The following BBOF1 variants were observed in gnomAD, a reference collection of about 807,000 sequenced individuals.
BBOF1 encodes the protein basal body-orientation factor 1.
In BBOF1, 62 loss-of-function variants were observed where a neutral mutation model predicts 68.0. The observed-to-expected ratio is 0.91, with a 90% confidence interval of 0.74 to 1.13. BBOF1 has a LOEUF of 1.13. Among genes scored for constraint, BBOF1 ranks in the 50% most tolerant of loss-of-function variants. The pLI, the probability that BBOF1 is intolerant of heterozygous loss-of-function variation, is 0.00. For synonymous variants in BBOF1, 208 were observed against 198.8 expected, an observed-to-expected ratio of 1.05 and a Z score of -0.39; for missense variants, 534 against 600.1, an observed-to-expected ratio of 0.89 and a Z score of 1.15.
chr14:74,031,408 T>C (rs1046262937), intron 3 of BBOF1, among the ~76,000 whole-genome samples: 11 of 152,178 alleles, frequency 7.2e-5, no homozygotes, highest in African/African-American at 2.7e-4. Context: ...CCACCACGCC[T>C]GGCATCATTC....
chr14:74,021,930 A>T (rs895316647), intron 1 of BBOF1, among the ~76,000 whole-genome samples: 1 of 151,766 alleles, frequency 6.6e-6, no homozygotes, highest in Non-Finnish European at 1.5e-5. Flanking sequence ...AAAAAAACAC[A>T]CTCAAAAGTG....
At chr14:74,055,999 C>G (rs999396983) in intron 9 of BBOF1, among the ~76,000 whole-genome samples, 11 of 151,180 alleles carry the variant, frequency 7.3e-5, no homozygotes, top group African/African-American at 2.7e-4. Context: ...AGAAACATAA[C>G]AATATTAAGA....
chr14:74,056,447 G>T (rs112076532), intron 9 of BBOF1, among the ~76,000 whole-genome samples: 8 of 151,660 alleles, frequency 5.3e-5, no homozygotes, highest in African/African-American at 1.9e-4. Context: ...TGACCTGCCC[G>T]CCTCAGCCTC....
intron 11 of BBOF1, among the ~76,000 whole-genome samples, chr14:74,062,024 A>G (rs7140208): frequency 0.018 from 2,652 of 144,410 alleles, 55 homozygotes; most frequent in African/African-American, 0.051. Flanking sequence ...AGCCTGGCCC[A>G]ACATGGCGAA....
At chr14:74,048,773 G>A (rs1566810848) in intron 7 of BBOF1, among the ~76,000 whole-genome samples, 1 of 152,148 alleles carries the variant, frequency 6.6e-6, no homozygotes, top group Non-Finnish European at 1.5e-5. Context: ...TGAAGTTGGG[G>A]TTTTATTACT....
At chr14:74,043,714 G>A (rs2059885483) in intron 5 of BBOF1, among the ~76,000 whole-genome samples, 3 of 149,822 alleles carry the variant, frequency 2.0e-5, no homozygotes, top group Non-Finnish European at 3.0e-5. Flanking sequence ...TGTATTTTTA[G>A]TAGAGACAGG....
chr14:74,045,938 G>T, intron 5 of BBOF1, 122 bp from the exon 6 acceptor site: 1 of 748,704 alleles, frequency 1.3e-6, no homozygotes, highest in Non-Finnish European at 2.1e-6. Flanking sequence ...ACCAGTGCTT[G>T]GAGTTCTTTC....
At chr14:74,027,082 C>CTTTTTTT (rs1189972161) in intron 2 of BBOF1, among the ~76,000 whole-genome samples, 5 of 88,158 alleles carry the variant, frequency 5.7e-5, no homozygotes, top group Non-Finnish European at 8.4e-5. Context: ...GAAAGGAAGC[C>CTTTTTTT]TTTTTTTTTT....
chr14:74,019,509 G>T lies in BBOF1; in HGVS notation c.31G>T (p.Gly11Cys). The change falls in exon 1 of 12, where the codon GGC (glycine) becomes TGC (cysteine). Residue 11 changes from glycine to cysteine, a missense_variant. By Grantham distance (159) the Gly-to-Cys change is radical. Transcript: ENST00000394009. Reference protein sequence around the residue: MPSKGKDKKKGKSKGKDTKKL... With the variant: MPSKGKDKKKCKSKGKDTKKL... ...GTCGAAGGGAAAGGACAAAAAGAAA[G>T]GCAAGAGCAAAGGCAAAGACACGAA... The T allele has an allele frequency of 6.2e-7, 1 of 1,605,208 alleles. No homozygotes were observed. The highest frequency in any genetic ancestry group is 8.5e-7 in the Non-Finnish European group (1 of 1,175,716).
At chr14:74,055,748 C>A in intron 9 of BBOF1, 63 bp downstream of exon 9, 1 of 1,276,584 alleles carries the variant, frequency 7.8e-7, no homozygotes, top group Non-Finnish European at 1.1e-6. Flanking sequence ...CACTTAGGAA[C>A]AAAGAACTTA....
intron 1 of BBOF1, among the ~76,000 whole-genome samples, chr14:74,019,737 T>C (rs2059213361): frequency 6.6e-6 from 1 of 152,240 alleles, no homozygotes; most frequent in African/African-American, 2.4e-5. Context: ...GTAGAGGATG[T>C]ATAAAGTAGT....
At chr14:74,042,336 T>C (rs1422416457) in intron 5 of BBOF1, among the ~76,000 whole-genome samples, 2 of 152,238 alleles carry the variant, frequency 1.3e-5, no homozygotes, top group Non-Finnish European at 2.9e-5. Flanking sequence ...AGGAATAGGC[T>C]GTTCTCAGGA....
chr14:74,069,082 T>C, downstream of BBOF1: 2 of 1,240,830 alleles, frequency 1.6e-6, no homozygotes. Context: ...AGTTTTCCTG[T>C]GTTTTTCTTT....
intron 2 of BBOF1, among the ~76,000 whole-genome samples, chr14:74,023,483 A>G (rs924660899): frequency 2.0e-5 from 3 of 152,222 alleles, no homozygotes; most frequent in Non-Finnish European, 4.4e-5. Context: ...AAAAATTTGT[A>G]AAGCAGTTCA....
chr14:74,040,899 A>C, intron 5 of BBOF1: 1 of 472,524 alleles, frequency 2.1e-6, no homozygotes, highest in Non-Finnish European at 3.7e-6. Context: ...TCAGCTTGAT[A>C]CTCCCCTGGT....
intron 2 of BBOF1, among the ~76,000 whole-genome samples, chr14:74,027,646 A>G (rs778854025): frequency 7.9e-5 from 12 of 152,052 alleles, no homozygotes; most frequent in African/African-American, 1.9e-4. Flanking sequence ...GGCAGACACA[A>G]CCTTAACCAA....
chr14:74,041,812 G>A (rs759056665), intron 5 of BBOF1, among the ~76,000 whole-genome samples: 1 of 152,148 alleles, frequency 6.6e-6, no homozygotes, highest in Admixed American at 6.5e-5. Context: ...CAAGGTGGGC[G>A]GATCACTTGA....
intron 2 of BBOF1, among the ~76,000 whole-genome samples, chr14:74,028,762 G>A (rs1036853741): frequency 6.6e-6 from 1 of 151,224 alleles, no homozygotes; most frequent in African/African-American, 2.4e-5. Context: ...GGGCTGGAGT[G>A]CAATGACGCC....
At chr14:74,075,012 A>T in intron 9 of BBOF1, 1 of 1,614,020 alleles carries the variant, frequency 6.2e-7, no homozygotes, top group Non-Finnish European at 8.5e-7. Flanking sequence ...TCACCTTGGA[A>T]GAAACCTGTG....
Sources: allele counts gnomAD v4.1 joint callset (sites outside exome capture counted in the v4.1 genomes callset), GRCh38; gene constraint gnomAD v4.1.1; transcripts MANE v1.5; gene names NCBI Gene and HGNC (gene_info 2026-07-23, HGNC 2026-07-21).